NAALADL2: variants seen among roughly 807,000 people sequenced by gnomAD.
The protein encoded by NAALADL2 is N-acetylated alpha-linked acidic dipeptidase like 2.
A neutral mutation model predicts 87.2 loss-of-function variants in NAALADL2; 76 were observed. That is an observed-to-expected ratio of 0.87 (90% CI 0.72 to 1.05). The LOEUF is 1.05. Among genes scored for constraint, NAALADL2 ranks in the 50% least tolerant of loss-of-function variants. The pLI is 0.00. For synonymous variants in NAALADL2, 354 were observed against 331.0 expected (o/e 1.07, Z -0.75); for missense variants, 1,089 against 945.8 (o/e 1.15, Z -1.99).
intron 13 of NAALADL2, among the ~76,000 whole-genome samples, chr3:175,783,906 G>A (rs1751522248): frequency 7.1e-6 from 1 of 141,842 alleles, no homozygotes; most frequent in Admixed American, 6.8e-5. Flanking sequence ...AGAGTTTTTA[G>A]CATGAAGGGT....
rs201229751 is a variant in NAALADL2, at chr3:175,576,169, G to C, written c.1782G>C (p.Glu594Asp). ...LGVPIVQFAY[E>D]DIKTLEGPSF... is the part of the protein sequence containing the mutation. ...TTCCCATCGTGCAGTTTGCTTACGA[G>C]GACATCAAAACATTAGAGGTGATTG... Residue 594 changes from glutamate (E) to aspartate (D), a missense_variant, in exon 10 of 14, where the codon GAG becomes GAC. Glu to Asp is a conservative substitution (Grantham distance 45, BLOSUM62 2). Transcript: ENST00000454872. 99 of 1,613,146 alleles carry C rather than the reference G, an allele frequency of 6.1e-5. No individual in the cohort carries two copies. The African/African-American group carries it at 1.1e-3, about 18-fold the overall frequency.
At chr3:175,281,231 G>T (rs1754270616) in intron 4 of NAALADL2, among the ~76,000 whole-genome samples, 2 of 150,854 alleles carry the variant, frequency 1.3e-5, no homozygotes, top group African/African-American at 2.4e-5. Context: ...CATAATCCTG[G>T]CTTTATAAAC....
At chr3:175,613,140 G>A (rs1724874191) in intron 10 of NAALADL2, among the ~76,000 whole-genome samples, 1 of 152,150 alleles carries the variant, frequency 6.6e-6, no homozygotes, top group African/African-American at 2.4e-5. Context: ...ATCTCTTGGT[G>A]TGTCTGATAT....
intron 2 of NAALADL2, among the ~76,000 whole-genome samples, chr3:175,119,990 T>C (rs769459159): frequency 6.6e-6 from 1 of 150,970 alleles, no homozygotes; most frequent in Non-Finnish European, 1.5e-5. Flanking sequence ...GTAATGATTC[T>C]AATTATTGTT....
chr3:175,047,904 A>G (rs185256716), intron 1 of NAALADL2, among the ~76,000 whole-genome samples: 238 of 152,292 alleles, frequency 1.6e-3, no homozygotes, highest in Non-Finnish European at 2.3e-3. Flanking sequence ...AAAATTACCA[A>G]TGTCTTTGTT....
intron 2 of NAALADL2, among the ~76,000 whole-genome samples, chr3:175,181,366 A>G (rs2108988332): frequency 6.6e-6 from 1 of 152,064 alleles, no homozygotes; most frequent in African/African-American, 2.4e-5. Flanking sequence ...GACAGTGTAT[A>G]GTGACTGAAT....
intron 12 of NAALADL2, among the ~76,000 whole-genome samples, chr3:175,742,490 C>CGGAAGCTCCGCCTCCT (rs1561070178): frequency 2.0e-5 from 3 of 152,090 alleles, no homozygotes; most frequent in African/African-American, 7.2e-5. Flanking sequence ...CTCCGCCTCC[C>CGGAAGCTCCGCCTCCT]GGGTTCACGC....
At chr3:175,232,887 C>A (rs1745193026) in intron 2 of NAALADL2, among the ~76,000 whole-genome samples, 1 of 112,544 alleles carries the variant, frequency 8.9e-6, no homozygotes, top group South Asian at 3.2e-4. Flanking sequence ...ATTAATATTT[C>A]AGCCACAAAA....
At chr3:175,210,639 AAAG>A (rs1401129850) in intron 2 of NAALADL2, among the ~76,000 whole-genome samples, 4 of 151,618 alleles carry the variant, frequency 2.6e-5, no homozygotes, top group Admixed American at 1.3e-4. Flanking sequence ...GCAAAAGAGA[AAAG>A]AAGAAGAAAA....
intron 7 of NAALADL2, among the ~76,000 whole-genome samples, chr3:175,465,811 A>G (rs1723932042): frequency 6.6e-6 from 1 of 152,306 alleles, no homozygotes; most frequent in African/African-American, 2.4e-5. Flanking sequence ...TCCATTGCCA[A>G]TTCCTGTGTG....
At chr3:174,706,054 T>G (rs1730040406) in intron 2 of NAALADL2, among the ~76,000 whole-genome samples, 6 of 152,234 alleles carry the variant, frequency 3.9e-5, no homozygotes. Flanking sequence ...AGAGTTAAAT[T>G]TAGCCAAAGG....
intron 2 of NAALADL2, among the ~76,000 whole-genome samples, chr3:174,685,717 C>T (rs1269446608): frequency 6.6e-6 from 1 of 152,068 alleles, no homozygotes; most frequent in Non-Finnish European, 1.5e-5. Context: ...AGATTTGTTA[C>T]ATAGGTAAAC....
chr3:174,925,351 T>G (rs180686972), intron 1 of NAALADL2, among the ~76,000 whole-genome samples: 2,981 of 152,322 alleles, frequency 0.02, 38 homozygotes, highest in South Asian at 0.03. Context: ...TTCTTGTTTT[T>G]GTCAGGTTTT....
chr3:175,607,913 G>GCACACACACGCA (rs57909304), intron 10 of NAALADL2, among the ~76,000 whole-genome samples: 94,882 of 148,906 alleles, frequency 0.64, 32,012 homozygotes, highest in East Asian at 0.88. Context: ...ACACACACAC[G>GCACACACACGCA]CACACACACG....
rs1183511160 is a variant in NAALADL2, at chr3:175,698,498, TATATAA to T, written c.1897-38806_1897-38801del. Among the ~76,000 whole-genome samples, 6 of 144,450 alleles carry T rather than the reference TATATAA, an allele frequency of 4.2e-5. 1 individual carries two copies. The highest frequency in any genetic ancestry group is 1.0e-4 in the African/African-American group (4 of 38,946). The allele number at this position is 144,450 out of a possible 152,430, so 94.8% of individuals were successfully genotyped here. On this transcript the variant is annotated intron_variant, in intron 11 of 13. Transcript: ENST00000454872. ...GTATATATATTTATATATATATATA[TATATAA>T]AATCTCCAAGCAAATTCCTATGTAC... is the stretch of plus-strand genomic sequence containing the variant.
At chr3:174,562,735 T>C (rs2108514996) in intron 2 of NAALADL2, among the ~76,000 whole-genome samples, 1 of 151,968 alleles carries the variant, frequency 6.6e-6, no homozygotes, top group East Asian at 1.9e-4. Context: ...CAATTTTGTT[T>C]GGCATCTTGT....
intron 5 of NAALADL2, among the ~76,000 whole-genome samples, chr3:175,347,147 T>C (rs1763238668): frequency 6.6e-6 from 1 of 152,322 alleles, no homozygotes; most frequent in East Asian, 1.9e-4. Flanking sequence ...CACTGGTGAC[T>C]CAGAGCTTGT....
intron 1 of NAALADL2, among the ~76,000 whole-genome samples, chr3:174,882,783 ATGTGTATATATACACGTGTGTATATGTG>A (rs1729533741): frequency 9.4e-6 from 1 of 106,384 alleles, no homozygotes; most frequent in African/African-American, 4.5e-5. Context: ...ATATATACAT[ATGTGTATATATACACGTGTGTATATGTG>A]CATATGTGTA....
chr3:174,564,156 C>T (rs935769226), intron 2 of NAALADL2, among the ~76,000 whole-genome samples: 11 of 151,980 alleles, frequency 7.2e-5, no homozygotes, highest in East Asian at 1.9e-4. Flanking sequence ...GCTCAGTAGC[C>T]GGGGGGCTAG....
Sources: gnomAD v4.1 joint callset for allele counts (sites outside exome capture counted in the v4.1 genomes callset) on GRCh38, gnomAD v4.1.1 for gene constraint, MANE v1.5 for transcripts, NCBI Gene and HGNC (gene_info 2026-07-23, HGNC 2026-07-21) for gene names.